CRISP1: variants seen among roughly 807,000 people sequenced by gnomAD.
CRISP1 encodes cysteine-rich secretory protein 1.
Under a neutral mutation model 33.1 loss-of-function variants are expected in CRISP1, and 44 were observed. The ratio of observed to expected loss-of-function variants is 1.33; its 90% CI spans 1.05 to 1.71. The LOEUF (loss-of-function observed/expected upper bound fraction) is 1.71. Ranked by LOEUF, CRISP1 falls within the 40% of genes most tolerant of loss-of-function variation. The pLI is 0.00. For synonymous variants in CRISP1, 103 were observed against 98.7 expected, an observed-to-expected ratio of 1.04 and a Z score of -0.26; for missense variants, 390 against 301.2, an observed-to-expected ratio of 1.29 and a Z score of -2.18.
chr6:49,842,093 C>T (rs1771010144), intron 5 of CRISP1, among the ~76,000 whole-genome samples: 1 of 152,118 alleles, frequency 6.6e-6, no homozygotes, highest in Admixed American at 6.6e-5. Context: ...TTTCTCTTTA[C>T]AAAGAGAGTC....
At chr6:49,864,508 A>AG (rs1161857816) in intron 1 of CRISP1, among the ~76,000 whole-genome samples, 1 of 151,398 alleles carries the variant, frequency 6.6e-6, no homozygotes, top group Non-Finnish European at 1.5e-5. Context: ...ATTGTCAAAT[A>AG]TTTTTCCAAA....
chr6:49,869,887 C>T (rs1002912977), upstream of CRISP1, among the ~76,000 whole-genome samples: 20 of 151,998 alleles, frequency 1.3e-4, no homozygotes, highest in Non-Finnish European at 2.9e-5. Context: ...GGGACTAATC[C>T]CAGGGGTACT....
intron 5 of CRISP1, among the ~76,000 whole-genome samples, chr6:49,842,097 G>T (rs1014613247): frequency 6.6e-6 from 1 of 152,158 alleles, no homozygotes. Flanking sequence ...TCTTTACAAA[G>T]AGAGTCATGC....
chr6:49,870,772 G>A (rs964782049), upstream of CRISP1, among the ~76,000 whole-genome samples: 1 of 152,104 alleles, frequency 6.6e-6, no homozygotes, highest in Non-Finnish European at 1.5e-5. Flanking sequence ...TTTGCTTAAG[G>A]TTGTTTGTGT....
chr6:49,849,220 A>T (rs763481739), intron 3 of CRISP1, among the ~76,000 whole-genome samples: 2 of 152,090 alleles, frequency 1.3e-5, no homozygotes, highest in Non-Finnish European at 2.9e-5. Context: ...AAACTGCCCA[A>T]TTTTTACAAA....
chr6:49,854,430 C>G (rs560822581), intron 2 of CRISP1, among the ~76,000 whole-genome samples: 1 of 152,160 alleles, frequency 6.6e-6, no homozygotes, highest in Admixed American at 6.5e-5. Flanking sequence ...TGCAGTAGCA[C>G]GATCTTGGCT....
At chr6:49,855,243 T>C (rs900294554) in intron 2 of CRISP1, among the ~76,000 whole-genome samples, 3 of 152,144 alleles carry the variant, frequency 2.0e-5, no homozygotes, top group Non-Finnish European at 4.4e-5. Context: ...TCCCACTCCG[T>C]GATCCATTCT....
chr6:49,874,960 A>G (rs903055496), intron 1 of CRISP1, among the ~76,000 whole-genome samples: 4 of 152,086 alleles, frequency 2.6e-5, no homozygotes, highest in African/African-American at 7.2e-5. Flanking sequence ...ATAATAACAA[A>G]TGGGCAAAAG....
chr6:49,865,366 A>G (rs1019057233), intron 1 of CRISP1, among the ~76,000 whole-genome samples: 3 of 152,156 alleles, frequency 2.0e-5, no homozygotes, highest in Non-Finnish European at 2.9e-5. Context: ...ATAGATTTAA[A>G]TGTGAGTACC....
intron 1 of CRISP1, among the ~76,000 whole-genome samples, chr6:49,873,161 TAAG>T (rs1355734782): frequency 6.6e-6 from 1 of 151,220 alleles, no homozygotes; most frequent in Non-Finnish European, 1.5e-5. Flanking sequence ...CCCTAAAACT[TAAG>T]TATAAAAAAT....
intron 7 of CRISP1, among the ~76,000 whole-genome samples, chr6:49,837,181 G>T (rs1414653348): frequency 6.6e-6 from 1 of 151,978 alleles, no homozygotes; most frequent in African/African-American, 2.4e-5. Flanking sequence ...CATTGTTTGT[G>T]CCCAATATGT....
intron 6 of CRISP1, among the ~76,000 whole-genome samples, chr6:49,840,081 A>G (rs1439427398): frequency 1.3e-5 from 2 of 152,218 alleles, no homozygotes; most frequent in African/African-American, 2.4e-5. Context: ...AAGGAGATAT[A>G]TGATGGCGTC....
At chr6:49,861,383 T>C (rs1328943506) in intron 1 of CRISP1, among the ~76,000 whole-genome samples, 1 of 152,102 alleles carries the variant, frequency 6.6e-6, no homozygotes, top group Non-Finnish European at 1.5e-5. Flanking sequence ...ACATGTAAGA[T>C]ATAATGCACC....
chr6:49,865,087 T>C (rs1235116096), intron 1 of CRISP1, among the ~76,000 whole-genome samples: 1 of 152,120 alleles, frequency 6.6e-6, no homozygotes, highest in African/African-American at 2.4e-5. Flanking sequence ...CAATACCAAG[T>C]ATTAAAACTC....
At chr6:49,852,887 A>T (rs985300027) in intron 2 of CRISP1, among the ~76,000 whole-genome samples, 15 of 137,572 alleles carry the variant, frequency 1.1e-4, no homozygotes, top group South Asian at 2.5e-4. Context: ...TGTGTGTGTG[A>T]TATCACATGT....
In CRISP1 at chr6:49,845,412, A is replaced by C. The variant is rs549823719; in HGVS notation, c.435+1108T>G. ...ACTTCTAGGATACAAAATGTGGGAA[A>C]ATAAAGTTCTGTTGTTTAATCCACC... On this transcript the variant is annotated intron_variant, in intron 5 of 7. Transcript: ENST00000335847. Among the ~76,000 whole-genome samples, 4 of 152,298 alleles carry C rather than the reference A, an allele frequency of 2.6e-5. No individual in the cohort carries two copies. The South Asian group carries it at 8.3e-4, about 32-fold the overall frequency.
intron 5 of CRISP1, among the ~76,000 whole-genome samples, chr6:49,843,471 T>G (rs1480893263): frequency 1.3e-5 from 2 of 152,198 alleles, no homozygotes; most frequent in African/African-American, 4.8e-5. Context: ...TGGGCACATG[T>G]GAGAACATAG....
chr6:49,862,675 T>C (rs1033159684), intron 1 of CRISP1, among the ~76,000 whole-genome samples: 7 of 152,112 alleles, frequency 4.6e-5, no homozygotes, highest in Admixed American at 1.3e-4. Context: ...GAATTCTGGT[T>C]GATCAAAGTT....
At chr6:49,835,509 C>T in intron 7 of CRISP1, 66 bp from the exon 8 acceptor site, 2 of 1,504,354 alleles carry the variant, frequency 1.3e-6, no homozygotes, top group Admixed American at 2.0e-5. Context: ...AGGAAAGAGA[C>T]CATCTTATTA....
Sources: allele counts gnomAD v4.1 joint callset (sites outside exome capture counted in the v4.1 genomes callset), GRCh38; gene constraint gnomAD v4.1.1; transcripts MANE v1.5; gene names NCBI Gene and HGNC (gene_info 2026-07-23, HGNC 2026-07-21).